Variants in NTRK2 observed in about 807,000 individuals in gnomAD.
NTRK2 encodes neurotrophic receptor tyrosine kinase 2.
Under a neutral mutation model 94.5 loss-of-function variants are expected in NTRK2, and 13 were observed. The ratio of observed to expected loss-of-function variants is 0.14; its 90% CI spans 0.09 to 0.22. The LOEUF (loss-of-function observed/expected upper bound fraction) is 0.22, where lower values mean the gene tolerates loss of function less well. Among genes scored for constraint, NTRK2 ranks in the 10% least tolerant of loss-of-function variants. The pLI, the probability that NTRK2 is intolerant of heterozygous loss-of-function variation, is 1.00. For missense variants in NTRK2, 639 were observed against 1,071.2 expected (o/e 0.60, Z 5.63); for synonymous variants, 372 against 407.4 (o/e 0.91, Z 1.05).
chr9:84,846,576 A>G (rs2074484351), intron 12 of NTRK2, among the ~76,000 whole-genome samples: 1 of 152,234 alleles, frequency 6.6e-6, no homozygotes, highest in South Asian at 2.1e-4. Flanking sequence ...TAGATGATGT[A>G]TATTAAAAGT....
At position 84,714,020 on chromosome 9, in the gene NTRK2, G is replaced by A. The variant is rs190186940; in HGVS notation, c.583+3229G>A. On this transcript the variant is annotated intron_variant, in intron 6 of 18. Transcript: ENST00000277120. ...CCATTTATTCTTTCATTCAGGAATC[G>A]ACATTGGATAGATATTTACACTTTT... is the stretch of plus-strand genomic sequence containing the variant. 8.6e-5 allele frequency among the ~76,000 whole-genome samples: 13 copies of A among 151,936 alleles called. No homozygotes were observed. In the East Asian group the frequency reaches 2.1e-3, roughly 25 times the overall value.
intron 17 of NTRK2, 106 bp downstream of exon 17, chr9:84,955,623 C>G: frequency 1.1e-6 from 1 of 932,954 alleles, no homozygotes; most frequent in Non-Finnish European, 1.7e-6. Context: ...GACTGGGTGG[C>G]TTAAACGACA....
intron 4 of NTRK2, among the ~76,000 whole-genome samples, 172 bp downstream of exon 4, chr9:84,702,591 C>T (rs979635409): frequency 2.0e-5 from 3 of 152,244 alleles, no homozygotes; most frequent in Admixed American, 2.0e-4. Context: ...TGAATAGCTT[C>T]AGAGGGGTAC....
intron 12 of NTRK2, among the ~76,000 whole-genome samples, chr9:84,797,624 AT>A (rs2069570924): frequency 4.7e-5 from 3 of 63,238 alleles, no homozygotes; most frequent in Non-Finnish European, 8.6e-5. Flanking sequence ...TATATACTAT[AT>A]ATTATATATT....
chr9:84,878,128 A>C lies in NTRK2; in HGVS notation c.1633+10697A>C, dbSNP rs189487144. ...GGCAAGAATGTCACTTGCTTAAGGC[A>C]CAGAATTTAAAGTGACACCAGAAGT... is the stretch of plus-strand genomic sequence containing the variant. On this transcript the variant is annotated intron_variant, in intron 14 of 18. Coordinates refer to ENST00000277120, the MANE Select transcript of NTRK2 (RefSeq NM_006180.6). 4.5e-4 allele frequency among the ~76,000 whole-genome samples: 68 copies of C among 152,312 alleles called. 1 individual carries two copies. The highest frequency in any genetic ancestry group is 1.6e-3 in the African/African-American group (66 of 41,572).
chr9:84,998,188 A>T (rs961011572), intron 17 of NTRK2, among the ~76,000 whole-genome samples: 3 of 152,194 alleles, frequency 2.0e-5, no homozygotes, highest in Non-Finnish European at 4.4e-5. Flanking sequence ...TTTCCTGAGA[A>T]CCCAGTGTTT....
intron 13 of NTRK2, among the ~76,000 whole-genome samples, chr9:84,862,863 C>T (rs2075397839): frequency 6.6e-6 from 1 of 152,052 alleles, no homozygotes; most frequent in Non-Finnish European, 1.5e-5. Context: ...TCAACAGGCT[C>T]TAGGGTACAG....
At chr9:84,896,566 T>A (rs1440018296) in intron 14 of NTRK2, among the ~76,000 whole-genome samples, 1 of 152,238 alleles carries the variant, frequency 6.6e-6, no homozygotes, top group Non-Finnish European at 1.5e-5. Flanking sequence ...CTGGGCTATC[T>A]CACTACTTTA....
chr9:84,681,933 A>G (rs1273694297), intron 2 of NTRK2, among the ~76,000 whole-genome samples: 1 of 152,184 alleles, frequency 6.6e-6, no homozygotes, highest in Non-Finnish European at 1.5e-5. Flanking sequence ...CTTTTTCTAC[A>G]CCAGCAGCTC....
intron 17 of NTRK2, among the ~76,000 whole-genome samples, chr9:84,955,888 TAC>T (rs1302193212): frequency 6.6e-6 from 1 of 152,202 alleles, no homozygotes; most frequent in African/African-American, 2.4e-5. Context: ...TGTCTCCAAA[TAC>T]AGTCACATTT....
rs964321877 is a variant in NTRK2, at chr9:84,816,796, A to G, written c.1397-44244A>G. Among the ~76,000 whole-genome samples the G allele has an allele frequency of 1.1e-4, 16 of 151,580 alleles. No individual in the cohort carries two copies. The East Asian group carries it at 2.7e-3, about 26-fold the overall frequency. Reference sequence around the variant, plus strand: ...TCCATCTCAAAAAAAAAAAAAAAAAAAAAGAAAAGAAAAAAGCCCAAACTT... The same window carrying G: ...TCCATCTCAAAAAAAAAAAAAAAAAGAAAGAAAAGAAAAAAGCCCAAACTT... On this transcript the variant is annotated intron_variant, in intron 12 of 18. Transcript: ENST00000277120.
intron 12 of NTRK2, among the ~76,000 whole-genome samples, chr9:84,822,221 C>G (rs375615927): frequency 5.9e-5 from 9 of 152,256 alleles, no homozygotes; most frequent in African/African-American, 2.2e-4. Flanking sequence ...GGAGGAAAAA[C>G]AAAGAAGTTG....
chr9:84,880,471 A>C (rs949052666), intron 14 of NTRK2, among the ~76,000 whole-genome samples: 1 of 152,210 alleles, frequency 6.6e-6, no homozygotes, highest in African/African-American at 2.4e-5. Context: ...CACCTTCTAC[A>C]ACTCGTTCCT....
intron 11 of NTRK2, among the ~76,000 whole-genome samples, chr9:84,750,789 CTGAG>C (rs1389648055): frequency 2.0e-5 from 3 of 152,282 alleles, no homozygotes; most frequent in Admixed American, 2.0e-4. Flanking sequence ...GGACTTTGGG[CTGAG>C]TAAGACTGGA....
chr9:84,750,396 C>G (rs1183270247), intron 11 of NTRK2, among the ~76,000 whole-genome samples: 1 of 152,132 alleles, frequency 6.6e-6, no homozygotes, highest in Non-Finnish European at 1.5e-5. Flanking sequence ...GAAATGTATC[C>G]TACAAAGAGA....
At chr9:84,771,701 G>T (rs1275513878) in intron 12 of NTRK2, among the ~76,000 whole-genome samples, 1 of 152,166 alleles carries the variant, frequency 6.6e-6, no homozygotes, top group Non-Finnish European at 1.5e-5. Flanking sequence ...AAGCTCAGGT[G>T]TCACTTCCTT....
intron 17 of NTRK2, among the ~76,000 whole-genome samples, chr9:85,011,865 C>T (rs1378865057): frequency 6.6e-6 from 1 of 152,024 alleles, no homozygotes; most frequent in Non-Finnish European, 1.5e-5. Context: ...GCGCTTGGGT[C>T]GGTCCCTTGA....
At position 85,022,666 on chromosome 9, in the gene NTRK2, A is replaced by G. The variant is rs200483359; in HGVS notation, c.*1229A>G. The stretch of plus-strand genomic sequence containing the variant: ...GTCGATTAATACCTTGTGTGCAGAC[A>G]CTACTGCTCCAGACGTCGTTTCCCT... On this transcript the variant is annotated 3_prime_UTR_variant, in exon 19 of 19. Coordinates refer to ENST00000277120, the MANE Select transcript of NTRK2 (RefSeq NM_006180.6). 8.6e-6 allele frequency: 2 copies of G among 233,270 alleles called. No individual in the cohort carries two copies. The highest frequency in any genetic ancestry group is 1.7e-5 in the Non-Finnish European group (2 of 118,040). 14.5% of individuals were successfully genotyped at this position (233,270 alleles called of 1,614,324 possible). A position where few individuals can be genotyped will look rare whatever the true frequency, so the allele number is the denominator to read the frequency against.
chr9:85,023,355 C>G lies in NTRK2; in HGVS notation c.*1918C>G, dbSNP rs201843289. ...ATATTTGTTTCTGAAGGTGCGATAGCTCTGTTTTAGGTTTTGCTTGCGCCT... is the reference window on the plus strand; with the variant it reads ...ATATTTGTTTCTGAAGGTGCGATAGGTCTGTTTTAGGTTTTGCTTGCGCCT... On this transcript the variant is annotated 3_prime_UTR_variant, in exon 19 of 19. Transcript: ENST00000277120. 4 of 232,444 alleles carry G rather than the reference C, an allele frequency of 1.7e-5. No individual in the cohort carries two copies. The highest frequency in any genetic ancestry group is 8.8e-5 in the African/African-American group (4 of 45,306). 14.4% of individuals were successfully genotyped at this position (232,444 alleles called of 1,614,324 possible).
Sources: allele counts gnomAD v4.1 joint callset (sites outside exome capture counted in the v4.1 genomes callset), GRCh38; gene constraint gnomAD v4.1.1; transcripts MANE v1.5; gene names NCBI Gene and HGNC (gene_info 2026-07-23, HGNC 2026-07-21).